BRAF: variants seen among roughly 807,000 people sequenced by gnomAD.
BRAF encodes serine/threonine-protein kinase B-raf.
In BRAF, 16 loss-of-function variants were observed where a neutral mutation model predicts 104.6. That is an observed-to-expected ratio of 0.15 (90% confidence interval 0.10 to 0.23). The LOEUF (loss-of-function observed/expected upper bound fraction) is 0.23. Ranked by LOEUF, BRAF falls within the 10% of genes least tolerant of loss-of-function variation. The pLI is 1.00. For missense variants in BRAF, 541 were observed against 937.3 expected (o/e 0.58, Z 5.52); for synonymous variants, 310 against 341.6 (o/e 0.91, Z 1.02).
intron 14 of BRAF, among the ~76,000 whole-genome samples, chr7:140,761,504 T>C (rs1400079393): frequency 2.0e-5 from 3 of 151,074 alleles, no homozygotes; most frequent in African/African-American, 7.3e-5. Flanking sequence ...AACCAGCTAA[T>C]ATCATAATGA....
At chr7:140,835,035 C>G in intron 2 of BRAF, 163 bp from the exon 3 acceptor site, 1 of 735,876 alleles carries the variant, frequency 1.4e-6, no homozygotes, top group Non-Finnish European at 2.2e-6. Context: ...TGAATACTTT[C>G]ACCTTTAAAT....
intron 14 of BRAF, among the ~76,000 whole-genome samples, chr7:140,770,199 T>C (rs968125198): frequency 2.0e-5 from 3 of 152,148 alleles, no homozygotes; most frequent in African/African-American, 7.2e-5. Flanking sequence ...GAAAATTATG[T>C]TCACTATAAT....
intron 1 of BRAF, among the ~76,000 whole-genome samples, chr7:140,908,517 A>G (rs1816589013): frequency 6.6e-6 from 1 of 152,108 alleles, no homozygotes; most frequent in South Asian, 2.1e-4. Flanking sequence ...ACCATGATAA[A>G]TGGCTGGAGG....
intron 3 of BRAF, among the ~76,000 whole-genome samples, chr7:140,828,581 T>C (rs1806341659): frequency 6.6e-6 from 1 of 152,338 alleles, no homozygotes; most frequent in African/African-American, 2.4e-5. Context: ...TCAATTATAA[T>C]ACCTCTCAGA....
At chr7:140,884,439 G>A (rs947779741) in intron 1 of BRAF, among the ~76,000 whole-genome samples, 1 of 113,486 alleles carries the variant, frequency 8.8e-6, no homozygotes, top group African/African-American at 4.0e-5. Context: ...ATGTGTGTGT[G>A]TGTGTGTGTG....
At chr7:140,753,003 G>A (rs1224098717) in intron 16 of BRAF, among the ~76,000 whole-genome samples, 2 of 143,832 alleles carry the variant, frequency 1.4e-5, no homozygotes, top group Non-Finnish European at 3.0e-5. Flanking sequence ...TCGTTTTAAG[G>A]GTTCATATTT....
At chr7:140,840,624 C>G (rs1199827595) in intron 2 of BRAF, among the ~76,000 whole-genome samples, 1 of 151,714 alleles carries the variant, frequency 6.6e-6, no homozygotes, top group Admixed American at 6.6e-5. Flanking sequence ...ATCCCCATCT[C>G]TACAAAAAAT....
intron 10 of BRAF, chr7:140,783,383 T>C (rs1337722645): frequency 1.9e-5 from 9 of 478,016 alleles, no homozygotes; most frequent in East Asian, 3.3e-5. Context: ...TATCTGATGA[T>C]AGACATAGAC....
At chr7:140,822,160 TA>T (rs1805557595) in intron 3 of BRAF, among the ~76,000 whole-genome samples, 3 of 151,780 alleles carry the variant, frequency 2.0e-5, no homozygotes, top group Non-Finnish European at 4.4e-5. Context: ...GAATCTAAAA[TA>T]AAAGTTGAAA....
chr7:140,903,830 T>C (rs1815967943), intron 1 of BRAF, among the ~76,000 whole-genome samples: 2 of 152,192 alleles, frequency 1.3e-5, no homozygotes, highest in African/African-American at 4.8e-5. Context: ...AAAACTTCAA[T>C]GGAGGAAGGA....
chr7:140,903,671 G>A (rs1815940636), intron 1 of BRAF, among the ~76,000 whole-genome samples: 1 of 152,154 alleles, frequency 6.6e-6, no homozygotes, highest in African/African-American at 2.4e-5. Flanking sequence ...GATGGATCTG[G>A]GCAACATTAA....
chr7:140,756,161 G>A (rs1798189278), intron 14 of BRAF, among the ~76,000 whole-genome samples: 1 of 152,130 alleles, frequency 6.6e-6, no homozygotes, highest in Admixed American at 6.6e-5. Flanking sequence ...TGGGGAACCA[G>A]TGATATACCC....
chr7:140,880,904 A>G (rs538297521), intron 1 of BRAF, among the ~76,000 whole-genome samples: 3 of 152,190 alleles, frequency 2.0e-5, no homozygotes, highest in East Asian at 3.9e-4. Flanking sequence ...CAGGGGTTCA[A>G]GGCTGCAGAG....
chr7:140,746,116 C>G (rs544824213), intron 17 of BRAF, among the ~76,000 whole-genome samples: 3 of 152,280 alleles, frequency 2.0e-5, no homozygotes, highest in South Asian at 4.1e-4. Context: ...CCTACAGATT[C>G]ATATTTTAAG....
At chr7:140,785,231 C>T (rs557980989) in intron 10 of BRAF, among the ~76,000 whole-genome samples, 1 of 152,018 alleles carries the variant, frequency 6.6e-6, no homozygotes, top group East Asian at 1.9e-4. Flanking sequence ...AGGCCAAAAG[C>T]CTAATAAAAT....
intron 14 of BRAF, among the ~76,000 whole-genome samples, chr7:140,775,156 C>T (rs1048428064): frequency 1.8e-4 from 27 of 151,752 alleles, no homozygotes; most frequent in African/African-American, 6.1e-4. Flanking sequence ...ACATATGAAC[C>T]GAGACACAAG....
At chr7:140,915,030 T>C (rs28529157) in intron 1 of BRAF, among the ~76,000 whole-genome samples, 16,427 of 58,556 alleles carry the variant, frequency 0.28, 4,172 homozygotes, top group African/African-American at 0.71. Flanking sequence ...GCATGGATGA[T>C]AGAGCGAGAC....
At chr7:140,882,452 T>C (rs867280086) in intron 1 of BRAF, among the ~76,000 whole-genome samples, 44 of 149,860 alleles carry the variant, frequency 2.9e-4, no homozygotes, top group South Asian at 2.4e-3. Context: ...CTCGGCTCAC[T>C]GCAACCTCTG....
intron 8 of BRAF, 127 bp downstream of exon 8, chr7:140,794,181 C>T: frequency 8.7e-7 from 1 of 1,145,214 alleles, no homozygotes; most frequent in Non-Finnish European, 1.3e-6. Context: ...TCACAAGAAG[C>T]TTATCACTTA....
Sources: allele counts gnomAD v4.1 joint callset (sites outside exome capture counted in the v4.1 genomes callset), GRCh38; gene constraint gnomAD v4.1.1; transcripts MANE v1.5; gene names NCBI Gene and HGNC (gene_info 2026-07-23, HGNC 2026-07-21).